The following ERG variants were observed in gnomAD, a reference collection of about 807,000 sequenced individuals.
ERG encodes the protein ETS transcription factor ERG.
ERG carries 9 observed loss-of-function variants against 55.3 expected under a neutral mutation model. The observed-to-expected ratio is 0.16, with a 90% CI of 0.10 to 0.28. ERG has a LOEUF of 0.28. ERG is among the 10% of genes least tolerant of loss of function. The pLI, the probability that ERG is intolerant of heterozygous loss-of-function variation, is 1.00. For synonymous variants in ERG, 223 were observed against 237.3 expected (o/e 0.94, Z 0.55); for missense variants, 434 against 631.6 (o/e 0.69, Z 3.35).
At chr21:38,495,256 T>C (rs960963955) in intron 1 of ERG, among the ~76,000 whole-genome samples, 6 of 152,202 alleles carry the variant, frequency 3.9e-5, no homozygotes, top group Admixed American at 3.3e-4. Context: ...ACGTGGCGTA[T>C]ATAATGCAAG....
At chr21:38,553,863 CA>C (rs2059840618) in intron 2 of ERG, among the ~76,000 whole-genome samples, 1 of 139,360 alleles carries the variant, frequency 7.2e-6, no homozygotes, top group African/African-American at 2.5e-5. Context: ...TTCTGCACAG[CA>C]AAAGAAACTA....
intron 1 of ERG, among the ~76,000 whole-genome samples, chr21:38,648,486 G>T (rs542845593): frequency 2.1e-4 from 32 of 152,336 alleles, no homozygotes; most frequent in Admixed American, 1.7e-3. Context: ...AGTAAATGGG[G>T]TATGTTTTCT....
intron 2 of ERG, among the ~76,000 whole-genome samples, chr21:38,436,899 CTTT>C (rs11421601): frequency 7.0e-6 from 1 of 142,368 alleles, no homozygotes. Context: ...TTCTTTCTCT[CTTT>C]TTTTTTTTTG....
intron 2 of ERG, among the ~76,000 whole-genome samples, chr21:38,445,138 C>CTTCT (rs1569105091): frequency 7.3e-6 from 1 of 136,664 alleles, no homozygotes; most frequent in Non-Finnish European, 1.6e-5. Context: ...CTTTCTTCTT[C>CTTCT]TTTTTTTTTT....
chr21:38,558,142 G>A (rs1488010452), intron 2 of ERG, among the ~76,000 whole-genome samples: 1 of 151,948 alleles, frequency 6.6e-6, no homozygotes, highest in Non-Finnish European at 1.5e-5. Context: ...GCTGAGGGTG[G>A]CCCCAAACCT....
At chr21:38,479,835 A>C (rs2059221225) in intron 1 of ERG, among the ~76,000 whole-genome samples, 1 of 152,232 alleles carries the variant, frequency 6.6e-6, no homozygotes, top group Admixed American at 6.5e-5. Context: ...TTATTTCTTC[A>C]AACTTCAAAG....
intron 3 of ERG, among the ~76,000 whole-genome samples, chr21:38,420,076 C>T (rs964401285): frequency 1.3e-5 from 2 of 150,538 alleles, no homozygotes; most frequent in East Asian, 1.9e-4. Context: ...TGCATTAGTG[C>T]CAAGCAATGT....
At chr21:38,547,929 T>A (rs991664166) in intron 2 of ERG, among the ~76,000 whole-genome samples, 7 of 152,120 alleles carry the variant, frequency 4.6e-5, no homozygotes, top group African/African-American at 1.7e-4. Context: ...AATTACATAA[T>A]CCTGTACTTT....
At chr21:38,625,723 T>A (rs181883167) in intron 1 of ERG, among the ~76,000 whole-genome samples, 8 of 152,258 alleles carry the variant, frequency 5.3e-5, no homozygotes, top group Admixed American at 5.2e-4. Context: ...CATTTTCACA[T>A]CAAGACTTTA....
chr21:38,383,191 T>C lies in ERG; in HGVS notation c.*212A>G, dbSNP rs981823822. On this transcript the variant is annotated 3_prime_UTR_variant, in exon 10 of 10. Transcript: ENST00000288319. The surrounding 1 kb of genome is among the most constrained non-coding windows in gnomAD (Gnocchi z 5.7). ...TCAGTCCACAGATGATATGTCCATA[T>C]TCGTGACATTTTTAGCATCCTCCTC... 3.9e-6 allele frequency: 5 copies of C among 1,280,884 alleles called. No individual in the cohort carries two copies. The Admixed American group carries it at 1.8e-4, about 47-fold the overall frequency. 79.3% of individuals were successfully genotyped at this position (1,280,884 alleles called of 1,614,324 possible).
intron 1 of ERG, among the ~76,000 whole-genome samples, chr21:38,577,014 G>T (rs987250378): frequency 7.2e-5 from 11 of 152,166 alleles, no homozygotes; most frequent in Non-Finnish European, 1.5e-4. Flanking sequence ...ATTTTTAGAA[G>T]CCATCACTTG....
the ERG span, among the ~76,000 whole-genome samples, chr21:38,369,587 T>G: frequency 1.3e-5 from 2 of 152,244 alleles, no homozygotes; most frequent in Admixed American, 1.3e-4. Context: ...CTGTTTACTC[T>G]GTTGATAGTT....
intron 1 of ERG, among the ~76,000 whole-genome samples, chr21:38,474,617 A>G (rs1385969489): frequency 1.3e-5 from 2 of 152,210 alleles, no homozygotes; most frequent in African/African-American, 4.8e-5. Context: ...TGGGGCAGAA[A>G]TAACCCTTGC....
intron 5 of ERG, among the ~76,000 whole-genome samples, chr21:38,402,140 A>T (rs1457013387): frequency 6.6e-6 from 1 of 152,196 alleles, no homozygotes; most frequent in Non-Finnish European, 1.5e-5. Flanking sequence ...ATCCTAGCAA[A>T]TATTTCTTTA....
chr21:38,556,249 G>A (rs1474348608), intron 2 of ERG, among the ~76,000 whole-genome samples: 1 of 152,088 alleles, frequency 6.6e-6, no homozygotes, highest in African/African-American at 2.4e-5. Context: ...ATGTAATATT[G>A]TTCATGGAAA....
intron 2 of ERG, among the ~76,000 whole-genome samples, chr21:38,440,718 G>A (rs536697401): frequency 6.6e-6 from 1 of 150,770 alleles, no homozygotes; most frequent in Admixed American, 6.6e-5. Context: ...GAACTCGGGA[G>A]GCAGAGGTTG....
At chr21:38,392,837 C>T (rs547767499) in intron 6 of ERG, among the ~76,000 whole-genome samples, 6 of 152,170 alleles carry the variant, frequency 3.9e-5, no homozygotes, top group Non-Finnish European at 5.9e-5. Context: ...CTTGGATGAA[C>T]CAGCCCATTT....
chr21:38,377,729 G>C (rs1226235393), downstream of ERG, among the ~76,000 whole-genome samples: 1 of 152,016 alleles, frequency 6.6e-6, no homozygotes, highest in East Asian at 1.9e-4. Context: ...ATGGAGATCA[G>C]CCCTGGCTCC....
chr21:38,425,941 G>A (rs927867828), intron 2 of ERG, among the ~76,000 whole-genome samples: 10 of 152,258 alleles, frequency 6.6e-5, no homozygotes, highest in African/African-American at 2.2e-4. Context: ...CAGCATGTGG[G>A]AACTTGAAAA....
Sources: allele counts gnomAD v4.1 joint callset (sites outside exome capture counted in the v4.1 genomes callset), GRCh38; gene constraint gnomAD v4.1.1; non-coding constraint Gnocchi (gnomAD v3.1); transcripts MANE v1.5; gene names NCBI Gene and HGNC (gene_info 2026-07-23, HGNC 2026-07-21).